VCPIP1: variants seen among roughly 807,000 people sequenced by gnomAD.
VCPIP1 encodes the protein deubiquitinating protein VCPIP1.
Under a neutral mutation model 85.0 loss-of-function variants are expected in VCPIP1, and 8 were observed. That is an observed-to-expected ratio of 0.09 (90% CI 0.06 to 0.17). The LOEUF is 0.17. VCPIP1 is among the 10% of genes least tolerant of loss of function. VCPIP1 has a pLI of 1.00. For missense variants in VCPIP1, 1,070 were observed against 1,486.3 expected (o/e 0.72, Z 4.61); for synonymous variants, 543 against 544.5 (o/e 1.00, Z 0.04).
At position 66,667,087 on chromosome 8, in the gene VCPIP1, TTCC is replaced by T; in HGVS notation, c.-132_-130del. 1.4e-6 allele frequency: 2 copies of T among 1,385,544 alleles called. No individual in the cohort carries two copies. Among genetic ancestry groups the T allele is most frequent in the African/African-American group, 1.5e-5 (1 of 68,930 alleles). The allele number at this position is 1,385,544 out of a possible 1,614,324, so 85.8% of individuals were successfully genotyped here. A position where few individuals can be genotyped will look rare whatever the true frequency, so the allele number is the denominator to read the frequency against. ...AGCACTTTCCTTTCCCTACCAGCTCTTCCTCCTCCTAAGCGAAGGCGGAAGCGC... is the reference window on the plus strand; with the variant it reads ...AGCACTTTCCTTTCCCTACCAGCTCTTCCTCCTAAGCGAAGGCGGAAGCGC... On this transcript the variant is annotated 5_prime_UTR_variant, in exon 1 of 3. Transcript: ENST00000310421.
chr8:66,655,301 C>T (rs879783462), intron 1 of VCPIP1, among the ~76,000 whole-genome samples: 2 of 152,210 alleles, frequency 1.3e-5, no homozygotes, highest in Non-Finnish European at 2.9e-5. Context: ...TGTATAGATG[C>T]AAGCTTTTCT....
rs1375391820 is a variant in VCPIP1, at chr8:66,633,241, G to C, written c.*1260C>G. Reference sequence around the variant, plus strand: ...AGACAGCCAGGCTTTGAATGCTCTAGGTAAGAGATTGTATTAACATATATT... The same window carrying C: ...AGACAGCCAGGCTTTGAATGCTCTACGTAAGAGATTGTATTAACATATATT... On this transcript the variant is annotated 3_prime_UTR_variant, in exon 3 of 3. Transcript: ENST00000310421. 1 of 152,482 alleles carries C rather than the reference G, an allele frequency of 6.6e-6. No individual in the cohort carries two copies. The highest frequency in any genetic ancestry group is 1.9e-4 in the East Asian group (1 of 5,200). The allele number at this position is 152,482 out of a possible 1,614,324, so 9.4% of individuals were successfully genotyped here. A position where few individuals can be genotyped will look rare whatever the true frequency, so the allele number is the denominator to read the frequency against.
At chr8:66,651,726 C>T (rs1811055664) in intron 1 of VCPIP1, among the ~76,000 whole-genome samples, 182 bp from the exon 2 acceptor site, 1 of 152,080 alleles carries the variant, frequency 6.6e-6, no homozygotes, top group Admixed American at 6.6e-5. Flanking sequence ...AAATGCATGG[C>T]CTATCTAAAT....
chr8:66,640,265 C>A (rs563811520), intron 2 of VCPIP1, among the ~76,000 whole-genome samples: 1 of 152,288 alleles, frequency 6.6e-6, no homozygotes, highest in Admixed American at 6.5e-5. Context: ...ATAACAACAA[C>A]AAACATTTGC....
chr8:66,657,961 T>C (rs1811116099), intron 1 of VCPIP1, among the ~76,000 whole-genome samples: 1 of 152,186 alleles, frequency 6.6e-6, no homozygotes, highest in Non-Finnish European at 1.5e-5. Flanking sequence ...CATTATTTTT[T>C]ATTCAACTTT....
At chr8:66,636,081 G>A (rs1171652359) in intron 2 of VCPIP1, among the ~76,000 whole-genome samples, 2 of 150,950 alleles carry the variant, frequency 1.3e-5, no homozygotes, top group African/African-American at 4.9e-5. Flanking sequence ...ACAAAAATTA[G>A]CTGGGCATGG....
chr8:66,661,403 T>G (rs180932676), intron 1 of VCPIP1, among the ~76,000 whole-genome samples: 2 of 152,234 alleles, frequency 1.3e-5, no homozygotes, highest in Admixed American at 1.3e-4. Flanking sequence ...TCAGAAAGTA[T>G]TTATACACCA....
chr8:66,633,309 G>A lies in VCPIP1; in HGVS notation c.*1192C>T, dbSNP rs370068087. The stretch of plus-strand genomic sequence containing the variant: ...AAATTCAACTTAATTTCAGTGAACA[G>A]AGAAGAATATGGGTTGAAATGTACA... On this transcript the variant is annotated 3_prime_UTR_variant, in exon 3 of 3. Coordinates refer to ENST00000310421, the MANE Select transcript of VCPIP1 (RefSeq NM_025054.5). 1 of 152,510 alleles carries A rather than the reference G, an allele frequency of 6.6e-6. No homozygotes were observed. The highest frequency in any genetic ancestry group is 1.5e-5 in the Non-Finnish European group (1 of 67,962). The allele number at this position is 152,510 out of a possible 1,614,324, so 9.4% of individuals were successfully genotyped here.
At chr8:66,660,660 C>T (rs1811146234) in intron 1 of VCPIP1, among the ~76,000 whole-genome samples, 4 of 152,236 alleles carry the variant, frequency 2.6e-5, no homozygotes, top group Admixed American at 2.6e-4. Context: ...CCTCTCCAAT[C>T]TAAACATCAA....
intron 2 of VCPIP1, among the ~76,000 whole-genome samples, chr8:66,635,919 A>G (rs112143211): frequency 8.0e-5 from 12 of 150,352 alleles, no homozygotes; most frequent in Non-Finnish European, 1.3e-4. Flanking sequence ...ATCTCAAAAA[A>G]AAAAAAAAAA....
At chr8:66,654,895 T>C (rs576044362) in intron 1 of VCPIP1, among the ~76,000 whole-genome samples, 28 of 152,356 alleles carry the variant, frequency 1.8e-4, no homozygotes, top group African/African-American at 6.7e-4. Context: ...TTCCATGGCA[T>C]ACAAGGCACT....
chr8:66,662,155 C>T (rs1158035527), intron 1 of VCPIP1, among the ~76,000 whole-genome samples: 4 of 152,078 alleles, frequency 2.6e-5, no homozygotes, highest in African/African-American at 4.8e-5. Flanking sequence ...AAAGTGAACA[C>T]GTCCTTATCT....
intron 2 of VCPIP1, among the ~76,000 whole-genome samples, chr8:66,647,214 G>A (rs578220436): frequency 7.3e-5 from 11 of 150,990 alleles, no homozygotes; most frequent in Admixed American, 1.3e-4. Flanking sequence ...GGTGGCAGGC[G>A]CCTGTAATCC....
intron 2 of VCPIP1, among the ~76,000 whole-genome samples, chr8:66,647,939 CTATTTTTTATA>C (rs1480139683): frequency 6.6e-6 from 1 of 151,848 alleles, no homozygotes; most frequent in Non-Finnish European, 1.5e-5. Flanking sequence ...ACAAGCCCAA[CTATTTTTTATA>C]TATTTTTTAT....
intron 1 of VCPIP1, among the ~76,000 whole-genome samples, chr8:66,660,716 C>T (rs546399441): frequency 3.4e-4 from 51 of 152,162 alleles, no homozygotes; most frequent in Non-Finnish European, 4.6e-4. Context: ...TATCCCCAAA[C>T]TGAATTTTGT....
intron 2 of VCPIP1, among the ~76,000 whole-genome samples, chr8:66,648,401 A>G (rs1209819139): frequency 1.3e-5 from 2 of 152,064 alleles, no homozygotes; most frequent in Non-Finnish European, 2.9e-5. Context: ...CTGTCTGTCT[A>G]TCTATCTAAT....
intron 2 of VCPIP1, among the ~76,000 whole-genome samples, chr8:66,641,480 G>A (rs1476129942): frequency 6.6e-6 from 1 of 151,976 alleles, no homozygotes; most frequent in East Asian, 1.9e-4. Context: ...TTCCACCTCA[G>A]CCTCCCAGTG....
intron 1 of VCPIP1, among the ~76,000 whole-genome samples, chr8:66,660,245 T>C (rs1052550055): frequency 3.3e-5 from 5 of 152,222 alleles, no homozygotes; most frequent in African/African-American, 1.2e-4. Flanking sequence ...ACCTACTATG[T>C]GCCAGGCCCT....
rs1198385744 is a variant in VCPIP1 at position 66,665,720 on chromosome 8, A to G, written c.1239T>C (p.Leu413=). 1.2e-6 allele frequency: 2 copies of G among 1,614,042 alleles called. No homozygotes were observed. The highest frequency in any genetic ancestry group is 1.3e-5 in the African/African-American group (1 of 74,926). The change falls in exon 1 of 3, where the codon CTT becomes CTC. Residue 413 remains leucine (L), a synonymous_variant. Transcript: ENST00000310421. This position sits in a 1 kb window ranked among gnomAD's most constrained non-coding sequence, Gnocchi z 4.3. ...TAAAGACTTCTTCCATAGCAGCAACAAGCCTAAGTAAGTATTTATCTTGCA... is the reference window on the plus strand; with the variant it reads ...TAAAGACTTCTTCCATAGCAGCAACGAGCCTAAGTAAGTATTTATCTTGCA... ...RSLQDKYLLR[L]VAAMEEVFMD...
Sources: allele counts gnomAD v4.1 joint callset (sites outside exome capture counted in the v4.1 genomes callset), GRCh38; gene constraint gnomAD v4.1.1; non-coding constraint Gnocchi (gnomAD v3.1); transcripts MANE v1.5; gene names NCBI Gene and HGNC (gene_info 2026-07-23, HGNC 2026-07-21).